HCFC2: variants seen among roughly 807,000 people sequenced by gnomAD.
HCFC2 encodes host cell factor 2.
HCFC2 carries 18 observed loss-of-function variants against 89.2 expected under a neutral mutation model. That is an observed-to-expected ratio of 0.20 (90% confidence interval 0.14 to 0.30). HCFC2 has a LOEUF of 0.30. Ranked by LOEUF, HCFC2 falls within the 10% of genes least tolerant of loss-of-function variation. HCFC2 has a pLI of 1.00. For synonymous variants in HCFC2, 308 were observed against 335.7 expected, an observed-to-expected ratio of 0.92 and a Z score of 0.90; for missense variants, 578 against 956.1, an observed-to-expected ratio of 0.60 and a Z score of 5.21.
intron 9 of HCFC2, among the ~76,000 whole-genome samples, chr12:104,089,041 C>T (rs1469898406): frequency 1.3e-5 from 2 of 152,034 alleles, no homozygotes; most frequent in East Asian, 1.9e-4. Context: ...GTTTCAGGAC[C>T]CACCCCCCAC....
chr12:104,074,172 C>T (rs1218333211), intron 3 of HCFC2, among the ~76,000 whole-genome samples: 1 of 152,168 alleles, frequency 6.6e-6, no homozygotes, highest in East Asian at 1.9e-4. Context: ...GAGCCTCACT[C>T]TGTCACCTGG....
chr12:104,098,504 A>C (rs546385505), intron 13 of HCFC2, 24 bp downstream of exon 13: 1 of 1,566,248 alleles, frequency 6.4e-7, no homozygotes, highest in South Asian at 1.2e-5. Context: ...TATTTTCTAC[A>C]TTGTAAATTA....
At chr12:104,072,270 G>A (rs192284152) in intron 3 of HCFC2, among the ~76,000 whole-genome samples, 2 of 151,974 alleles carry the variant, frequency 1.3e-5, no homozygotes, top group South Asian at 4.1e-4. Context: ...TACATGGGGG[G>A]CCAGAGCAGG....
In HCFC2 at chr12:104,098,349, A is replaced by G; in HGVS notation, c.1747A>G (p.Thr583Ala). The G allele has an allele frequency of 1.3e-6, 2 of 1,582,064 alleles. No homozygotes were observed. The highest frequency in any genetic ancestry group is 2.2e-5 in the East Asian group (1 of 44,646). Reference sequence around the variant, plus strand: ...TTTTTTTCTCTGAAATTAGAAAGAGACTCCTTCAAATCCAGTGGCCACAGT... The same window carrying G: ...TTTTTTTCTCTGAAATTAGAAAGAGGCTCCTTCAAATCCAGTGGCCACAGT... ...HATATPFSKE[T>A]PSNPVATVKA... is the part of the protein sequence containing the mutation. The change falls in exon 13 of 15, where the codon ACT (threonine) becomes GCT (alanine). Residue 583 changes from threonine to alanine, a missense_variant. Thr to Ala is a moderately conservative substitution (Grantham distance 58). Transcript: ENST00000229330.
intron 5 of HCFC2, 77 bp downstream of exon 5, chr12:104,080,907 A>G: frequency 2.3e-6 from 2 of 873,294 alleles, no homozygotes; most frequent in Non-Finnish European, 3.6e-6. Context: ...AAGTAATGCT[A>G]GTAGTTTCTT....
chr12:104,066,391 A>G (rs547718023), intron 2 of HCFC2, 76 bp downstream of exon 2: 7 of 1,039,294 alleles, frequency 6.7e-6, no homozygotes, highest in Non-Finnish European at 9.8e-6. Flanking sequence ...AGATTGCAAC[A>G]TTACTAACAT....
chr12:104,065,464 G>C (rs1184508347), intron 1 of HCFC2, among the ~76,000 whole-genome samples: 9 of 152,212 alleles, frequency 5.9e-5, no homozygotes, highest in African/African-American at 2.2e-4. Flanking sequence ...TAAATGCTCA[G>C]GCTGTCACAA....
At chr12:104,089,827 G>C (rs1443839245) in intron 9 of HCFC2, among the ~76,000 whole-genome samples, 1 of 152,048 alleles carries the variant, frequency 6.6e-6, no homozygotes, top group African/African-American at 2.4e-5. Context: ...TTTTTCACTT[G>C]CTTAGTTTTC....
At chr12:104,080,224 TAC>T (rs2136607684) in intron 4 of HCFC2, among the ~76,000 whole-genome samples, 1 of 152,320 alleles carries the variant, frequency 6.6e-6, no homozygotes, top group Non-Finnish European at 1.5e-5. Context: ...ACTTATTTAT[TAC>T]AAATACAGTC....
intron 3 of HCFC2, among the ~76,000 whole-genome samples, chr12:104,074,365 G>A (rs1301229135): frequency 6.6e-6 from 1 of 151,340 alleles, no homozygotes; most frequent in African/African-American, 2.4e-5. Flanking sequence ...TTTCCGTGTT[G>A]CCCAGGCTGG....
chr12:104,101,331 A>G (rs1470682870), intron 13 of HCFC2, among the ~76,000 whole-genome samples: 1 of 152,118 alleles, frequency 6.6e-6, no homozygotes, highest in Non-Finnish European at 1.5e-5. Context: ...TGAAAAATAC[A>G]AAAATTAGTT....
intron 7 of HCFC2, 25 bp from the exon 8 acceptor site, chr12:104,086,822 G>A: frequency 6.2e-7 from 1 of 1,606,980 alleles, no homozygotes; most frequent in Non-Finnish European, 8.5e-7. Flanking sequence ...AAACTTAAAT[G>A]TATAATATCA....
In HCFC2 at chr12:104,064,894, G is replaced by A; in HGVS notation, c.163+171G>A. The A allele has an allele frequency of 2.0e-6, 1 of 499,958 alleles. No homozygotes were observed. The highest frequency in any genetic ancestry group is 3.3e-6 in the Non-Finnish European group (1 of 303,972). 31.0% of individuals were successfully genotyped at this position (499,958 alleles called of 1,614,324 possible). A position where few individuals can be genotyped will look rare whatever the true frequency, so the allele number is the denominator to read the frequency against. ...AGCCCGGGTCCGGCAGCTCTGTCCCGGACCGCAGCTCAGGATCTCCGGGGC... is the reference window on the plus strand; with the variant it reads ...AGCCCGGGTCCGGCAGCTCTGTCCCAGACCGCAGCTCAGGATCTCCGGGGC... On this transcript the variant is annotated intron_variant, in intron 1 of 14. Coordinates refer to ENST00000229330, the MANE Select transcript of HCFC2 (RefSeq NM_013320.3). This position sits in a 1 kb window ranked among gnomAD's most constrained non-coding sequence, Gnocchi z 7.3.
At chr12:104,067,261 C>T (rs1202731547) in intron 2 of HCFC2, among the ~76,000 whole-genome samples, 3 of 152,174 alleles carry the variant, frequency 2.0e-5, no homozygotes, top group Non-Finnish European at 4.4e-5. Flanking sequence ...AATTGTTACC[C>T]TCATACTAAT....
At chr12:104,079,107 C>G (rs1400170660) in intron 3 of HCFC2, among the ~76,000 whole-genome samples, 1 of 152,094 alleles carries the variant, frequency 6.6e-6, no homozygotes, top group African/African-American at 2.4e-5. Flanking sequence ...GAACATAGAC[C>G]CAACTTCCTG....
chr12:104,079,550 C>T lies in HCFC2; in HGVS notation c.579C>T (p.His193=). 6.2e-7 allele frequency: 1 copy of T among 1,613,938 alleles called. No homozygotes were observed. Among genetic ancestry groups the T allele is most frequent in the Non-Finnish European group, 8.5e-7 (1 of 1,179,820 alleles). ...KGVVPSPRES[H]TAVIYCKKDS... is the part of the protein sequence containing the mutation. The stretch of plus-strand genomic sequence containing the variant: ...TTGTGCCTTCTCCAAGAGAATCCCA[C>T]ACAGCTGTTATATATTGCAAAAAAG... The change falls in exon 4 of 15, where the codon CAC becomes CAT. Residue 193 remains histidine, a synonymous_variant. Coordinates refer to ENST00000229330, the MANE Select transcript of HCFC2 (RefSeq NM_013320.3).
chr12:104,083,340 C>T (rs989679632), intron 7 of HCFC2, among the ~76,000 whole-genome samples: 2 of 152,142 alleles, frequency 1.3e-5, no homozygotes, highest in African/African-American at 4.8e-5. Flanking sequence ...AAAACATCAA[C>T]AAGCCCAAAC....
At position 104,103,798 on chromosome 12, in the gene HCFC2, G is replaced by A. The variant is rs1403808991; in HGVS notation, c.*525G>A. On this transcript the variant is annotated 3_prime_UTR_variant, in exon 15 of 15. Transcript: ENST00000229330. ...TAATAGTTATTTGATTCCTTTCTTT[G>A]TTTACAGTTAGCACAGAGCTTAAGA... 6.6e-6 allele frequency: 1 copy of A among 151,930 alleles called. No individual in the cohort carries two copies. The highest frequency in any genetic ancestry group is 1.5e-5 in the Non-Finnish European group (1 of 67,924). The allele number at this position is 151,930 out of a possible 1,614,324, so 9.4% of individuals were successfully genotyped here.
rs1883022246 is a variant in HCFC2 at position 104,064,938 on chromosome 12, C to T, written c.163+215C>T. The T allele has an allele frequency of 2.5e-6, 1 of 404,460 alleles. No individual in the cohort carries two copies. Among genetic ancestry groups the T allele is most frequent in the East Asian group, 4.0e-5 (1 of 25,240 alleles). The allele number at this position is 404,460 out of a possible 1,614,324, so 25.1% of individuals were successfully genotyped here. A position where few individuals can be genotyped will look rare whatever the true frequency, so the allele number is the denominator to read the frequency against. Reference sequence around the variant, plus strand: ...CCGGGGCCCTTGGGGCGCAACGGACCCCGAGCGGGGCGCACCGGCCTTCAG... The same window carrying T: ...CCGGGGCCCTTGGGGCGCAACGGACTCCGAGCGGGGCGCACCGGCCTTCAG... On this transcript the variant is annotated intron_variant, in intron 1 of 14. Transcript: ENST00000229330. This position sits in a 1 kb window ranked among gnomAD's most constrained non-coding sequence, Gnocchi z 7.3.
Sources: gnomAD v4.1 joint callset for allele counts (sites outside exome capture counted in the v4.1 genomes callset) on GRCh38, gnomAD v4.1.1 for gene constraint, Gnocchi (gnomAD v3.1) non-coding constraint, MANE v1.5 for transcripts, NCBI Gene and HGNC (gene_info 2026-07-23, HGNC 2026-07-21) for gene names.